SSBP2: variants seen among roughly 807,000 people sequenced by gnomAD.
SSBP2 encodes single stranded DNA binding protein 2.
SSBP2 carries 17 observed loss-of-function variants against 61.8 expected under a neutral mutation model. The ratio of observed to expected loss-of-function variants is 0.28; its 90% confidence interval spans 0.19 to 0.41. SSBP2 has a LOEUF of 0.41. Among genes scored for constraint, SSBP2 ranks in the 10% least tolerant of loss-of-function variants. The pLI, the probability that SSBP2 is intolerant of heterozygous loss-of-function variation, is 1.00. For synonymous variants in SSBP2, 139 were observed against 141.3 expected, an observed-to-expected ratio of 0.98 and a Z score of 0.12; for missense variants, 310 against 458.7, an observed-to-expected ratio of 0.68 and a Z score of 2.96.
At chr5:81,426,254 G>A (rs961322817) in intron 16 of SSBP2, among the ~76,000 whole-genome samples, 2 of 152,082 alleles carry the variant, frequency 1.3e-5, no homozygotes, top group African/African-American at 4.8e-5. Flanking sequence ...ATATGACAAA[G>A]AAAGCCACAC....
chr5:81,627,015 CAA>C (rs1315054282), intron 3 of SSBP2, among the ~76,000 whole-genome samples: 1 of 151,938 alleles, frequency 6.6e-6, no homozygotes. Flanking sequence ...TATACAGAGA[CAA>C]AGAGATGACA....
intron 3 of SSBP2, chr5:81,616,679 C>G (rs1581176735): frequency 6.9e-6 from 1 of 144,066 alleles, no homozygotes; most frequent in African/African-American, 2.6e-5. Flanking sequence ...ACAGCAGTAA[C>G]CTCTGCAGAC....
intron 4 of SSBP2, among the ~76,000 whole-genome samples, chr5:81,575,058 G>A (rs141638529): frequency 0.014 from 2,147 of 152,092 alleles, 17 homozygotes; most frequent in Middle Eastern, 0.024. Context: ...TCACGAGGTC[G>A]AGAGATCAAG....
intron 3 of SSBP2, among the ~76,000 whole-genome samples, chr5:81,622,633 A>C (rs778491339): frequency 1.3e-5 from 2 of 152,254 alleles, no homozygotes; most frequent in Non-Finnish European, 2.9e-5. Context: ...CACTATAATT[A>C]GTTTGCATGA....
intron 1 of SSBP2, among the ~76,000 whole-genome samples, chr5:81,746,092 A>G (rs1226738590): frequency 6.6e-6 from 1 of 152,002 alleles, no homozygotes; most frequent in Non-Finnish European, 1.5e-5. Context: ...CACAGCTCTG[A>G]AAAAAAATTA....
intron 4 of SSBP2, among the ~76,000 whole-genome samples, chr5:81,611,772 C>T (rs1057486302): frequency 6.6e-6 from 1 of 151,958 alleles, no homozygotes; most frequent in Non-Finnish European, 1.5e-5. Flanking sequence ...ATTATTTTTA[C>T]AATAAAATGA....
intron 1 of SSBP2, among the ~76,000 whole-genome samples, chr5:81,704,043 C>T (rs1371868539): frequency 6.6e-6 from 1 of 152,186 alleles, no homozygotes; most frequent in Admixed American, 6.5e-5. Context: ...CCAAGCTGAG[C>T]CACGTGGAAC....
At chr5:81,437,546 A>ACTTATGTATTTT (rs1459783064) in intron 14 of SSBP2, 88 bp from the exon 15 acceptor site, 10 of 1,207,408 alleles carry the variant, frequency 8.3e-6, no homozygotes, top group African/African-American at 1.5e-5. Context: ...AGTGAAGTAT[A>ACTTATGTATTTT]CTATATGTAT....
chr5:81,547,057 A>AAAAG (rs1554084425), intron 4 of SSBP2, among the ~76,000 whole-genome samples: 1 of 149,128 alleles, frequency 6.7e-6, no homozygotes, highest in African/African-American at 2.5e-5. Flanking sequence ...AAAAAAAAAA[A>AAAAG]GTCTATCAAG....
chr5:81,675,749 T>C (rs2153801398), intron 1 of SSBP2, among the ~76,000 whole-genome samples: 1 of 152,330 alleles, frequency 6.6e-6, no homozygotes, highest in South Asian at 2.1e-4. Flanking sequence ...TGTTTTAGTT[T>C]ACTTCTTTAG....
intron 1 of SSBP2, among the ~76,000 whole-genome samples, chr5:81,682,492 ACT>A (rs918538191): frequency 2.0e-5 from 3 of 152,250 alleles, no homozygotes; most frequent in African/African-American, 7.2e-5. Flanking sequence ...ATGATAAAAA[ACT>A]CTGAGTAACC....
At chr5:81,591,687 A>T (rs973152352) in intron 4 of SSBP2, among the ~76,000 whole-genome samples, 12 of 152,218 alleles carry the variant, frequency 7.9e-5, no homozygotes, top group Non-Finnish European at 1.8e-4. Context: ...CACAGTGAGG[A>T]AAACATCAGT....
chr5:81,601,759 CAA>C (rs1187408771), intron 4 of SSBP2, among the ~76,000 whole-genome samples: 1 of 152,120 alleles, frequency 6.6e-6, no homozygotes, highest in Non-Finnish European at 1.5e-5. Flanking sequence ...AGCATTAGTT[CAA>C]AGTCCAGGAT....
At chr5:81,454,919 G>A (rs1764028898) in intron 10 of SSBP2, among the ~76,000 whole-genome samples, 1 of 151,842 alleles carries the variant, frequency 6.6e-6, no homozygotes, top group East Asian at 1.9e-4. Flanking sequence ...GATAGAGAAG[G>A]GGCCAAACAT....
At chr5:81,713,822 A>G (rs1581404024) in intron 1 of SSBP2, among the ~76,000 whole-genome samples, 1 of 152,228 alleles carries the variant, frequency 6.6e-6, no homozygotes, top group African/African-American at 2.4e-5. Context: ...TAATAGGTAA[A>G]GAGAAGAAAA....
At chr5:81,751,253 C>T (rs1306354833), upstream of SSBP2, 6 of 596,990 alleles carry the variant, frequency 1.0e-5, no homozygotes, top group Non-Finnish European at 1.8e-5. Flanking sequence ...GCGGCTAAGC[C>T]TCAGCGGCAG....
chr5:81,659,054 A>G (rs559627166), intron 1 of SSBP2, among the ~76,000 whole-genome samples: 1 of 152,342 alleles, frequency 6.6e-6, no homozygotes, highest in South Asian at 2.1e-4. Flanking sequence ...CCCATAGCCA[A>G]TATCATACTG....
At chr5:81,546,470 A>G (rs570280453) in intron 4 of SSBP2, among the ~76,000 whole-genome samples, 1 of 152,148 alleles carries the variant, frequency 6.6e-6, no homozygotes, top group Non-Finnish European at 1.5e-5. Context: ...ACAAACAATA[A>G]CAAAAATTGC....
Position 81,545,592 on chromosome 5 carries a change from T to C in SSBP2, c.283-31875A>G, listed in dbSNP as rs79720431. On this transcript the variant is annotated intron_variant, in intron 4 of 16. Coordinates refer to ENST00000320672, the MANE Select transcript of SSBP2 (RefSeq NM_012446.5). ...CAGTATACACAACAACTGAGATTCA[T>C]GGAATTCATATATACTTGTTGATTA... 5.2e-3 allele frequency among the ~76,000 whole-genome samples: 795 copies of C among 152,298 alleles called. 6 individuals are homozygous for C. Among genetic ancestry groups the C allele is most frequent in the African/African-American group, 0.018 (744 of 41,562 alleles).
Sources: gnomAD v4.1 joint callset for allele counts (sites outside exome capture counted in the v4.1 genomes callset) on GRCh38, gnomAD v4.1.1 for gene constraint, MANE v1.5 for transcripts, NCBI Gene and HGNC (gene_info 2026-07-23, HGNC 2026-07-21) for gene names.